CNTNAP5: variants seen among roughly 807,000 people sequenced by gnomAD.
CNTNAP5 encodes the protein contactin associated protein family member 5, also known as contactin-associated protein-like 5.
Under a neutral mutation model 150.2 loss-of-function variants are expected in CNTNAP5, and 72 were observed. That is an observed-to-expected ratio of 0.48 (90% confidence interval 0.40 to 0.58). CNTNAP5 has a LOEUF of 0.58. CNTNAP5 is among the 20% of genes least tolerant of loss of function. The pLI is 0.00. For missense variants in CNTNAP5, 1,636 were observed against 1,626.2 expected (o/e 1.01, Z -0.10); for synonymous variants, 672 against 619.8 (o/e 1.08, Z -1.25).
At chr2:124,219,195 CA>C (rs980083575) in intron 1 of CNTNAP5, among the ~76,000 whole-genome samples, 1 of 151,986 alleles carries the variant, frequency 6.6e-6, no homozygotes, top group Non-Finnish European at 1.5e-5. Flanking sequence ...TCTGCTACAA[CA>C]CAATATATGC....
rs552638931 is a variant in CNTNAP5, at chr2:124,806,848, A to C, written c.3217+8528A>C. ...AAACTCACTTGAAAGATGTGGCATAAATACAAAGAAGGGTTATTACAAAAC... is the reference window on the plus strand; with the variant it reads ...AAACTCACTTGAAAGATGTGGCATACATACAAAGAAGGGTTATTACAAAAC... On this transcript the variant is annotated intron_variant, in intron 19 of 23. Coordinates refer to ENST00000682447, the MANE Select transcript of CNTNAP5 (RefSeq NM_001367498.1). Among the ~76,000 whole-genome samples, 223 of 152,248 alleles carry C rather than the reference A, an allele frequency of 1.5e-3. 2 individuals carry two copies. The highest frequency in any genetic ancestry group is 5.1e-3 in the African/African-American group (213 of 41,546).
chr2:124,189,704 G>C (rs1417794970), intron 1 of CNTNAP5, among the ~76,000 whole-genome samples: 4 of 151,800 alleles, frequency 2.6e-5, no homozygotes, highest in Non-Finnish European at 5.9e-5. Context: ...TAATAGACTG[G>C]ACAGAGGTCT....
At chr2:124,197,493 G>A (rs1685616073) in intron 1 of CNTNAP5, among the ~76,000 whole-genome samples, 1 of 152,066 alleles carries the variant, frequency 6.6e-6, no homozygotes, top group South Asian at 2.1e-4. Context: ...TTGGATATTT[G>A]TGTTGCTTTC....
intron 21 of CNTNAP5, among the ~76,000 whole-genome samples, chr2:124,882,674 G>T (rs1034210833): frequency 6.6e-6 from 1 of 152,152 alleles, no homozygotes; most frequent in Admixed American, 6.5e-5. Context: ...AGCTGCTTTA[G>T]GTCTGTGAAC....
At chr2:124,217,170 C>T (rs1288733066) in intron 1 of CNTNAP5, among the ~76,000 whole-genome samples, 3 of 152,156 alleles carry the variant, frequency 2.0e-5, no homozygotes, top group African/African-American at 7.2e-5. Flanking sequence ...TAGTCTATCC[C>T]AAGTTGTGTG....
intron 17 of CNTNAP5, among the ~76,000 whole-genome samples, chr2:124,783,786 G>A (rs945322790): frequency 1.3e-5 from 2 of 151,984 alleles, no homozygotes; most frequent in Admixed American, 1.3e-4. Context: ...TTTACCTTTT[G>A]GGCATCCAGT....
intron 19 of CNTNAP5, among the ~76,000 whole-genome samples, chr2:124,842,673 G>T (rs1682968404): frequency 6.6e-6 from 1 of 152,144 alleles, no homozygotes; most frequent in South Asian, 2.1e-4. Flanking sequence ...GCTTATTAAA[G>T]TGCTTAGAAT....
At chr2:124,514,991 C>G (rs894545115) in intron 8 of CNTNAP5, among the ~76,000 whole-genome samples, 2 of 152,160 alleles carry the variant, frequency 1.3e-5, no homozygotes, top group Non-Finnish European at 2.9e-5. Flanking sequence ...ACCAAGGAAA[C>G]CACACTTTCA....
In CNTNAP5 at chr2:124,707,079, A is replaced by G. The variant is rs1178039512; in HGVS notation, c.2078-40150A>G. Reference sequence around the variant, plus strand: ...GAGGAGGAGAGGAAGAGGAAGAAGAAGAAGAGGAAGAAGAAGAAGAGGAAG... The same window carrying G: ...GAGGAGGAGAGGAAGAGGAAGAAGAGGAAGAGGAAGAAGAAGAAGAGGAAG... On this transcript the variant is annotated intron_variant, in intron 13 of 23. Transcript: ENST00000682447. 3.2e-4 allele frequency among the ~76,000 whole-genome samples: 45 copies of G among 138,672 alleles called. 1 individual carries two copies. The highest frequency in any genetic ancestry group is 1.3e-3 in the African/African-American group (43 of 33,980). 91.0% of individuals were successfully genotyped at this position (138,672 alleles called of 152,430 possible).
chr2:124,570,393 A>G (rs1327587606), intron 11 of CNTNAP5, among the ~76,000 whole-genome samples: 1 of 152,128 alleles, frequency 6.6e-6, no homozygotes, highest in Non-Finnish European at 1.5e-5. Context: ...ACGAATGTCA[A>G]ACAACAAAGT....
At chr2:124,274,161 A>G (rs1273807731) in intron 3 of CNTNAP5, among the ~76,000 whole-genome samples, 1 of 152,156 alleles carries the variant, frequency 6.6e-6, no homozygotes, top group Non-Finnish European at 1.5e-5. Flanking sequence ...TTGTATTAAG[A>G]TCTTTAAAAC....
intron 11 of CNTNAP5, among the ~76,000 whole-genome samples, chr2:124,589,054 A>G (rs1696619018): frequency 6.6e-6 from 1 of 151,906 alleles, no homozygotes; most frequent in African/African-American, 2.4e-5. Flanking sequence ...TAGACCATAC[A>G]TTTCTCCTAT....
At chr2:124,550,255 T>C (rs997398843) in intron 10 of CNTNAP5, among the ~76,000 whole-genome samples, 1 of 152,142 alleles carries the variant, frequency 6.6e-6, no homozygotes, top group Non-Finnish European at 1.5e-5. Context: ...CCCCACAATT[T>C]GCAACCCCTC....
chr2:124,640,378 G>T (rs1274207481), intron 12 of CNTNAP5, among the ~76,000 whole-genome samples: 5 of 152,218 alleles, frequency 3.3e-5, no homozygotes, highest in Non-Finnish European at 5.9e-5. Flanking sequence ...GCAGGCAGGT[G>T]GAAGGCAGTA....
At chr2:124,263,875 G>T in intron 3 of CNTNAP5, among the ~76,000 whole-genome samples, 1 of 152,112 alleles carries the variant, frequency 6.6e-6, no homozygotes, top group East Asian at 1.9e-4. Context: ...ATGGCAGCCA[G>T]TTTTCCCAGC....
intron 13 of CNTNAP5, among the ~76,000 whole-genome samples, chr2:124,712,506 A>C (rs954265896): frequency 6.6e-6 from 1 of 152,198 alleles, no homozygotes; most frequent in Non-Finnish European, 1.5e-5. Flanking sequence ...GCATGACAGA[A>C]GTATGTGGAG....
chr2:124,908,083 A>T (rs1301834359), intron 22 of CNTNAP5, among the ~76,000 whole-genome samples: 1 of 152,032 alleles, frequency 6.6e-6, no homozygotes, highest in African/African-American at 2.4e-5. Flanking sequence ...AAGAAAAAAA[A>T]GCCATGAGGC....
At chr2:124,850,222 A>G (rs1326652181) in intron 19 of CNTNAP5, among the ~76,000 whole-genome samples, 1 of 152,186 alleles carries the variant, frequency 6.6e-6, no homozygotes, top group African/African-American at 2.4e-5. Flanking sequence ...ATTCATGCCC[A>G]CCTGGAACTG....
chr2:124,282,369 A>C (rs767345308), intron 3 of CNTNAP5, among the ~76,000 whole-genome samples: 1 of 152,202 alleles, frequency 6.6e-6, no homozygotes, highest in Non-Finnish European at 1.5e-5. Context: ...CTTTGAAATG[A>C]AAATGATAAA....
Sources: allele counts gnomAD v4.1 joint callset (sites outside exome capture counted in the v4.1 genomes callset), GRCh38; gene constraint gnomAD v4.1.1; transcripts MANE v1.5; gene names NCBI Gene and HGNC (gene_info 2026-07-23, HGNC 2026-07-21).